Variants in RFX3 observed in about 807,000 individuals in gnomAD.
RFX3 encodes transcription factor RFX3.
RFX3 carries 14 observed loss-of-function variants against 98.6 expected under a neutral mutation model. The ratio of observed to expected loss-of-function variants is 0.14; its 90% confidence interval spans 0.09 to 0.22. The LOEUF is 0.22. Among genes scored for constraint, RFX3 ranks in the 10% least tolerant of loss-of-function variants. RFX3 has a pLI of 1.00. For missense variants in RFX3, 639 were observed against 926.9 expected, an observed-to-expected ratio of 0.69 and a Z score of 4.03; for synonymous variants, 383 against 328.4, an observed-to-expected ratio of 1.17 and a Z score of -1.80.
intron 4 of RFX3, among the ~76,000 whole-genome samples, chr9:3,320,962 C>T (rs1305777542): frequency 5.3e-5 from 8 of 150,066 alleles, no homozygotes; most frequent in Admixed American, 4.6e-4. Context: ...AGTACAATGG[C>T]GTGATCTTGG....
intron 4 of RFX3, among the ~76,000 whole-genome samples, chr9:3,326,197 CAT>C (rs748875132): frequency 2.6e-5 from 4 of 151,952 alleles, no homozygotes; most frequent in Non-Finnish European, 5.9e-5. Context: ...ATTATACACA[CAT>C]GGACCATATA....
At position 3,320,560 on chromosome 9, in the gene RFX3, T is replaced by TA. The variant is rs201712364; in HGVS notation, c.474+9698dup. Among the ~76,000 whole-genome samples, 78 of 135,692 alleles carry TA rather than the reference T, an allele frequency of 5.7e-4. 1 individual carries two copies. The highest frequency in any genetic ancestry group is 4.0e-3 in the Middle Eastern group (1 of 250). The allele number at this position is 135,692 out of a possible 152,430, so 89.0% of individuals were successfully genotyped here. On this transcript the variant is annotated intron_variant, in intron 4 of 16. Transcript: ENST00000617270. ...CAGCAAGACTGTCCCACCCCCTCCA[T>TA]AAAAAAAAACAAAAAAAAAAACTTT...
At chr9:3,412,805 T>C (rs1842569100) in intron 1 of RFX3, among the ~76,000 whole-genome samples, 1 of 152,152 alleles carries the variant, frequency 6.6e-6, no homozygotes, top group Admixed American at 6.5e-5. Flanking sequence ...CTTTTAAAAA[T>C]TATTGATGCT....
In RFX3 at chr9:3,257,145, T is replaced by C; in HGVS notation, c.1660A>G (p.Thr554Ala). Reference protein sequence around the residue: ...CDDNMVQRLETDFKMTLQQQS... With the variant: ...CDDNMVQRLEADFKMTLQQQS... ...TGCTGAAGAGTCATCTTGAAGTCTG[T>C]TTCTAGTCTCTGAACCATGTTGTCA... is the stretch of plus-strand genomic sequence containing the variant. Residue 554 changes from threonine (T) to alanine (A), a missense_variant, in exon 14 of 17, where the codon ACA becomes GCA. Physicochemically the swap from Thr to Ala is moderately conservative, Grantham distance 58. Around this residue, in one of 9 missense-constraint regions of RFX3, gnomAD observed 138 missense variants for 308.9 expected, o/e 0.45. Transcript: ENST00000617270. 2 of 1,614,006 alleles carry C rather than the reference T, an allele frequency of 1.2e-6. No homozygotes were observed. The highest frequency in any genetic ancestry group is 1.7e-5 in the Admixed American group (1 of 60,000).
intron 2 of RFX3, among the ~76,000 whole-genome samples, chr9:3,377,749 T>TG (rs1338286630): frequency 3.9e-5 from 6 of 152,164 alleles, no homozygotes; most frequent in Non-Finnish European, 8.8e-5. Flanking sequence ...GGGAAGTATT[T>TG]GGGGTAATGA....
chr9:3,394,814 T>G, intron 2 of RFX3: 10 of 984,978 alleles, frequency 1.0e-5, no homozygotes, highest in South Asian at 4.7e-5. Context: ...CAGGCCAGTG[T>G]GTTCACAATC....
At chr9:3,375,789 C>T (rs190575422) in intron 2 of RFX3, among the ~76,000 whole-genome samples, 11 of 151,952 alleles carry the variant, frequency 7.2e-5, no homozygotes, top group South Asian at 2.1e-4. Context: ...TGAAACCCCG[C>T]CTCTACTAAA....
intron 15 of RFX3, among the ~76,000 whole-genome samples, chr9:3,241,914 G>GA (rs570800057): frequency 1.4e-4 from 21 of 151,944 alleles, no homozygotes; most frequent in Admixed American, 9.8e-4. Flanking sequence ...TAAGGCAGAG[G>GA]AAAAAAAACT....
intron 4 of RFX3, among the ~76,000 whole-genome samples, chr9:3,320,759 G>T (rs1402732006): frequency 1.8e-5 from 2 of 109,558 alleles, no homozygotes; most frequent in South Asian, 2.9e-4. Flanking sequence ...TATAATGCAT[G>T]CTACATAGCA....
intron 1 of RFX3, among the ~76,000 whole-genome samples, chr9:3,524,029 G>A (rs1438422376): frequency 6.6e-6 from 1 of 152,100 alleles, no homozygotes; most frequent in African/African-American, 2.4e-5. Context: ...AATTAGTACT[G>A]TCACATTATT....
intron 15 of RFX3, among the ~76,000 whole-genome samples, chr9:3,236,190 C>G (rs1819131044): frequency 6.6e-6 from 1 of 152,238 alleles, no homozygotes; most frequent in African/African-American, 2.4e-5. Context: ...TTTTCATTTA[C>G]AGACTTTTAA....
chr9:3,477,122 TTTATAAACACTTC>T (rs1412715075), intron 1 of RFX3, among the ~76,000 whole-genome samples: 1 of 152,114 alleles, frequency 6.6e-6, no homozygotes, highest in African/African-American at 2.4e-5. Flanking sequence ...TTTCATTACT[TTTATAAACACTTC>T]TCCAGACAGC....
At chr9:3,329,963 A>T (rs1832398583) in intron 4 of RFX3, among the ~76,000 whole-genome samples, 1 of 152,216 alleles carries the variant, frequency 6.6e-6, no homozygotes, top group Non-Finnish European at 1.5e-5. Flanking sequence ...ATATAAATTT[A>T]AGATATTTTA....
chr9:3,242,175 T>C (rs950151377), intron 15 of RFX3, among the ~76,000 whole-genome samples: 5 of 152,220 alleles, frequency 3.3e-5, no homozygotes, highest in African/African-American at 1.2e-4. Flanking sequence ...CAACTTTCAA[T>C]TTCTCTTTTC....
chr9:3,371,903 C>G (rs922564801), intron 2 of RFX3, among the ~76,000 whole-genome samples: 11 of 152,264 alleles, frequency 7.2e-5, no homozygotes, highest in Middle Eastern at 6.8e-3. Context: ...AAGAAAAATT[C>G]CCTTTACAGT....
intron 5 of RFX3, among the ~76,000 whole-genome samples, chr9:3,299,630 C>A (rs1179461917): frequency 2.0e-5 from 3 of 150,078 alleles, no homozygotes; most frequent in African/African-American, 7.5e-5. Context: ...GAAGATCAGA[C>A]ATATTATGTA....
At chr9:3,416,554 T>C (rs1842999213) in intron 1 of RFX3, among the ~76,000 whole-genome samples, 1 of 152,186 alleles carries the variant, frequency 6.6e-6, no homozygotes, top group Non-Finnish European at 1.5e-5. Flanking sequence ...AAAGTTCCCA[T>C]ATGTACACCC....
In RFX3 at chr9:3,218,908, A is replaced by G. The variant is rs1817204084; in HGVS notation, c.*6134T>C. 1 of 151,764 alleles carries G rather than the reference A, an allele frequency of 6.6e-6. No individual in the cohort carries two copies. The highest frequency in any genetic ancestry group is 1.5e-5 in the Non-Finnish European group (1 of 67,906). The allele number at this position is 151,764 out of a possible 1,614,324, so 9.4% of individuals were successfully genotyped here. On this transcript the variant is annotated 3_prime_UTR_variant, in exon 17 of 17. Coordinates refer to ENST00000617270, the MANE Select transcript of RFX3 (RefSeq NM_001282116.2). ...AGTGAAATTTAAATGATGGCACTTAAAAAAAAATACAGTATCTTAAAAAAA... is the reference window on the plus strand; with the variant it reads ...AGTGAAATTTAAATGATGGCACTTAGAAAAAAATACAGTATCTTAAAAAAA...
intron 4 of RFX3, among the ~76,000 whole-genome samples, chr9:3,306,746 A>G (rs545575739): frequency 1.3e-5 from 2 of 152,164 alleles, no homozygotes; most frequent in South Asian, 4.1e-4. Context: ...AACTTAAAGT[A>G]TAATAATAAT....
Sources: gnomAD v4.1 joint callset for allele counts (sites outside exome capture counted in the v4.1 genomes callset) on GRCh38, gnomAD v4.1.1 for gene constraint, gnomAD v4.1.1 regional missense constraint, MANE v1.5 for transcripts, NCBI Gene and HGNC (gene_info 2026-07-23, HGNC 2026-07-21) for gene names.